The following DNAH11 variants were observed in gnomAD, a reference collection of about 807,000 sequenced individuals.
DNAH11 encodes dynein axonemal heavy chain 11.
Under a neutral mutation model 526.0 loss-of-function variants are expected in DNAH11, and 442 were observed. The ratio of observed to expected loss-of-function variants is 0.84; its 90% CI spans 0.78 to 0.91. DNAH11 has a LOEUF of 0.91. DNAH11 is among the 40% of genes least tolerant of loss of function. The probability of loss-of-function intolerance (pLI) is 0.00; values close to 1 mark genes in which losing one functional copy is unlikely to be tolerated. For missense variants in DNAH11, 6,989 were observed against 5,448.7 expected (o/e 1.28, Z -8.90); for synonymous variants, 2,461 against 1,935.9 (o/e 1.27, Z -7.12).
Position 21,720,739 on chromosome 7 carries a change from T to G in DNAH11, c.7149T>G (p.Leu2383=), listed in dbSNP as rs1158792267. 1 of 1,578,482 alleles carries G rather than the reference T, an allele frequency of 6.3e-7. No homozygotes were observed. Among genetic ancestry groups the G allele is most frequent in the Admixed American group, 1.9e-5 (1 of 53,700 alleles). ...ESSLVQTLCV[L]LECLLTPENV... ...TTTTTCTTTAGACTCTATGTGTTCT[T>G]TTGGAGTGCTTGCTGACTCCTGAAA... The change falls in exon 44 of 82, where the codon CTT becomes CTG. Residue 2383 remains leucine (L), a synonymous_variant. Coordinates refer to ENST00000409508, the MANE Select transcript of DNAH11 (RefSeq NM_001277115.2).
chr7:21,900,947 TG>T, intron 81 of DNAH11, 59 bp from the exon 82 acceptor site: 5 of 1,247,702 alleles, frequency 4.0e-6, no homozygotes, highest in Non-Finnish European at 5.5e-6. Flanking sequence ...ACAACTTACT[TG>T]ATCATTATCA....
At chr7:21,808,204 C>T (rs549326879) in intron 63 of DNAH11, among the ~76,000 whole-genome samples, 155 bp downstream of exon 63, 3 of 152,100 alleles carry the variant, frequency 2.0e-5, no homozygotes, top group East Asian at 1.9e-4. Context: ...TGCAGTTTTT[C>T]TTATTTTTAC....
chr7:21,880,970 C>A, intron 75 of DNAH11, 77 bp downstream of exon 75: 2 of 1,304,960 alleles, frequency 1.5e-6, no homozygotes, highest in Non-Finnish European at 2.1e-6. Flanking sequence ...CAAAATTGAC[C>A]ATAATTTCTC....
intron 64 of DNAH11, among the ~76,000 whole-genome samples, chr7:21,817,205 G>A (rs1789832989): frequency 6.6e-6 from 1 of 152,034 alleles, no homozygotes; most frequent in African/African-American, 2.4e-5. Flanking sequence ...TCTACTCCAA[G>A]AATTTCTGTT....
chr7:21,697,232 CA>C (rs1200857316), intron 35 of DNAH11, among the ~76,000 whole-genome samples: 2 of 151,976 alleles, frequency 1.3e-5, no homozygotes, highest in Non-Finnish European at 2.9e-5. Flanking sequence ...GGAATTTTTT[CA>C]AACGTTGCTG....
chr7:21,874,542 G>C (rs1783632601), intron 74 of DNAH11, among the ~76,000 whole-genome samples: 1 of 151,738 alleles, frequency 6.6e-6, no homozygotes, highest in Non-Finnish European at 1.5e-5. Context: ...CATCATGTTA[G>C]CCAGGCTGGT....
At chr7:21,696,258 T>A (rs1783848033) in intron 35 of DNAH11, among the ~76,000 whole-genome samples, 1 of 152,198 alleles carries the variant, frequency 6.6e-6, no homozygotes, top group Non-Finnish European at 1.5e-5. Flanking sequence ...TAACCATATT[T>A]CATTTGTATT....
intron 61 of DNAH11, among the ~76,000 whole-genome samples, chr7:21,796,410 AAG>A (rs1281401958): frequency 6.6e-6 from 1 of 152,182 alleles, no homozygotes; most frequent in African/African-American, 2.4e-5. Flanking sequence ...CCAATGAACA[AAG>A]GGGAAGAGAC....
intron 65 of DNAH11, among the ~76,000 whole-genome samples, chr7:21,822,034 A>G (rs1199154516): frequency 1.3e-5 from 2 of 152,134 alleles, no homozygotes; most frequent in African/African-American, 2.4e-5. Context: ...TGCAAATGAC[A>G]GCTTCATTCC....
intron 46 of DNAH11, among the ~76,000 whole-genome samples, chr7:21,736,830 A>T (rs1225671705): frequency 1.3e-5 from 2 of 152,206 alleles, no homozygotes; most frequent in Non-Finnish European, 2.9e-5. Flanking sequence ...TCCCCCAAAA[A>T]GAGCCAATTA....
At chr7:21,889,197 A>C (rs1366521465) in intron 76 of DNAH11, among the ~76,000 whole-genome samples, 5 of 152,234 alleles carry the variant, frequency 3.3e-5, no homozygotes, top group African/African-American at 1.2e-4. Context: ...AATGTTTTCA[A>C]GCTTCAGCCA....
chr7:21,765,397 C>T, intron 54 of DNAH11, 31 bp from the exon 55 acceptor site: 1 of 1,613,092 alleles, frequency 6.2e-7, no homozygotes, highest in Non-Finnish European at 8.5e-7. Context: ...CATCACCCGC[C>T]TGTTTCTGCC....
chr7:21,751,082 A>T (rs868825832), intron 54 of DNAH11, among the ~76,000 whole-genome samples: 2 of 152,118 alleles, frequency 1.3e-5, no homozygotes, highest in Non-Finnish European at 2.9e-5. Flanking sequence ...CCAGCACTTT[A>T]GGAAGCCATG....
chr7:21,621,146 T>G (rs1162639899), intron 25 of DNAH11, among the ~76,000 whole-genome samples: 1 of 152,140 alleles, frequency 6.6e-6, no homozygotes, highest in Non-Finnish European at 1.5e-5. Context: ...CCACACTGAC[T>G]TCCACAAGAG....
intron 74 of DNAH11, among the ~76,000 whole-genome samples, chr7:21,876,345 G>C (rs1000682852): frequency 6.6e-6 from 1 of 152,166 alleles, no homozygotes; most frequent in African/African-American, 2.4e-5. Context: ...AAAATGTGCA[G>C]AAAATCTAAA....
Position 21,895,009 on chromosome 7 carries a change from C to T in DNAH11, c.13049+10C>T, listed in dbSNP as rs769273581. The T allele has an allele frequency of 1.2e-6, 2 of 1,609,444 alleles. No homozygotes were observed. Among genetic ancestry groups the T allele is most frequent in the South Asian group, 1.1e-5 (1 of 90,956 alleles). Reference sequence around the variant, plus strand: ...ATGGCCTAGCCCAGTGGTAAGCTACCCCATCCTCACTGCCACTGGCCCTGA... The same window carrying T: ...ATGGCCTAGCCCAGTGGTAAGCTACTCCATCCTCACTGCCACTGGCCCTGA... On this transcript the variant is annotated intron_variant, in intron 79 of 81. Coordinates refer to ENST00000409508, the MANE Select transcript of DNAH11 (RefSeq NM_001277115.2).
chr7:21,875,760 G>C (rs1431491450), intron 74 of DNAH11, among the ~76,000 whole-genome samples: 1 of 151,496 alleles, frequency 6.6e-6, no homozygotes, highest in Non-Finnish European at 1.5e-5. Context: ...AAGAACACCT[G>C]TTCTGGTCTT....
intron 18 of DNAH11, among the ~76,000 whole-genome samples, chr7:21,603,085 C>T (rs773384911): frequency 6.6e-6 from 1 of 152,182 alleles, no homozygotes; most frequent in African/African-American, 2.4e-5. Flanking sequence ...CAATCCTTGG[C>T]AATTCCCAAT....
intron 65 of DNAH11, among the ~76,000 whole-genome samples, chr7:21,833,887 C>G (rs1239654020): frequency 6.6e-6 from 1 of 152,000 alleles, no homozygotes; most frequent in Non-Finnish European, 1.5e-5. Flanking sequence ...TCAGTCAATA[C>G]AGCAAAACGA....
Sources: gnomAD v4.1 joint callset for allele counts (sites outside exome capture counted in the v4.1 genomes callset) on GRCh38, gnomAD v4.1.1 for gene constraint, MANE v1.5 for transcripts, NCBI Gene and HGNC (gene_info 2026-07-23, HGNC 2026-07-21) for gene names.